MMS22L: variants seen among roughly 807,000 people sequenced by gnomAD.
The protein encoded by MMS22L is MMS22 like, DNA repair protein.
In MMS22L, 74 loss-of-function variants were observed where a neutral mutation model predicts 159.1. The ratio of observed to expected loss-of-function variants is 0.47; its 90% CI spans 0.39 to 0.56. The LOEUF is 0.56. Among genes scored for constraint, MMS22L ranks in the 20% least tolerant of loss-of-function variants. The pLI, the probability that MMS22L is intolerant of heterozygous loss-of-function variation, is 0.00. For missense variants in MMS22L, 1,351 were observed against 1,422.1 expected, an observed-to-expected ratio of 0.95 and a Z score of 0.80; for synonymous variants, 517 against 506.9, an observed-to-expected ratio of 1.02 and a Z score of -0.27.
Position 97,146,898 on chromosome 6 carries a change from A to G in MMS22L, c.3651-11T>C. On this transcript the variant is annotated splice_polypyrimidine_tract_variant and intron_variant, in intron 24 of 24. Coordinates refer to ENST00000683635, the MANE Select transcript of MMS22L (RefSeq NM_001350599.2). The stretch of plus-strand genomic sequence containing the variant: ...TTGCTATAGGCTTCCCTGTTTAAGA[A>G]AAAAGAAAAGAAAGCAAATATATTA... 8 of 1,524,746 alleles carry G rather than the reference A, an allele frequency of 5.2e-6. No homozygotes were observed. Among genetic ancestry groups the G allele is most frequent in the Non-Finnish European group, 7.0e-6 (8 of 1,136,558 alleles). The allele number at this position is 1,524,746 out of a possible 1,614,324, so 94.5% of individuals were successfully genotyped here.
At chr6:97,177,624 A>G (rs1309065220) in intron 18 of MMS22L, among the ~76,000 whole-genome samples, 1 of 152,130 alleles carries the variant, frequency 6.6e-6, no homozygotes, top group Admixed American at 6.5e-5. Flanking sequence ...CAACAACTAA[A>G]TAAGGGTCCA....
intron 14 of MMS22L, among the ~76,000 whole-genome samples, chr6:97,224,347 A>C (rs1809989731): frequency 6.6e-6 from 1 of 152,182 alleles, no homozygotes; most frequent in Non-Finnish European, 1.5e-5. Flanking sequence ...TATTTGCAAG[A>C]AATATTTTTC....
At chr6:97,242,776 G>A (rs977486061) in intron 11 of MMS22L, among the ~76,000 whole-genome samples, 32 of 152,250 alleles carry the variant, frequency 2.1e-4, no homozygotes, top group African/African-American at 7.7e-4. Flanking sequence ...TGGCTTGGTA[G>A]TGGCAAATTC....
intron 14 of MMS22L, among the ~76,000 whole-genome samples, chr6:97,207,154 A>G (rs1807876145): frequency 1.3e-5 from 2 of 152,160 alleles, no homozygotes; most frequent in Admixed American, 1.3e-4. Context: ...CTCTTTCTCA[A>G]AAAGATTTTA....
intron 6 of MMS22L, chr6:97,270,730 T>C (rs1582859483): frequency 6.6e-6 from 1 of 152,266 alleles, no homozygotes; most frequent in South Asian, 2.1e-4. Flanking sequence ...GGGACAGAAA[T>C]AGATAACAAA....
intron 21 of MMS22L, among the ~76,000 whole-genome samples, chr6:97,162,939 A>G (rs1259882545): frequency 6.6e-6 from 1 of 151,956 alleles, no homozygotes; most frequent in Non-Finnish European, 1.5e-5. Flanking sequence ...GCTAAATATA[A>G]ACTAGACATC....
Position 97,272,778 on chromosome 6 carries a change from G to A in MMS22L, c.532C>T (p.Leu178Phe). 1 of 1,613,998 alleles carries A rather than the reference G, an allele frequency of 6.2e-7. No individual in the cohort carries two copies. The highest frequency in any genetic ancestry group is 8.5e-7 in the Non-Finnish European group (1 of 1,179,918). ...TCAGATAGGTGTCCAATATACAAGA[G>A]TAATCCATGAAGCTCATCAATCAAC... ...SVLIDELHGL[L>F]LYIGHLSELP... The change falls in exon 6 of 25, where the codon CTC becomes TTC. Residue 178 changes from leucine to phenylalanine, a missense_variant. By Grantham distance (22) the Leu-to-Phe change is conservative (BLOSUM62 0). Coordinates refer to ENST00000683635, the MANE Select transcript of MMS22L (RefSeq NM_001350599.2).
chr6:97,170,247 G>A (rs1006623356), intron 19 of MMS22L, among the ~76,000 whole-genome samples: 2 of 152,050 alleles, frequency 1.3e-5, no homozygotes, highest in African/African-American at 2.4e-5. Context: ...TTCTGCAACG[G>A]TTGAAACACT....
chr6:97,257,256 ATAT>A (rs1021630831), intron 9 of MMS22L, among the ~76,000 whole-genome samples: 25 of 152,128 alleles, frequency 1.6e-4, no homozygotes, highest in African/African-American at 6.0e-4. Context: ...ATCTTTTGTT[ATAT>A]TATGCATAAC....
chr6:97,265,063 A>G (rs908622858), intron 8 of MMS22L: 8 of 152,220 alleles, frequency 5.3e-5, no homozygotes, highest in African/African-American at 1.7e-4. Flanking sequence ...TTGGTAGGAA[A>G]TCACAAAAGG....
chr6:97,187,157 G>A (rs1805335685), intron 14 of MMS22L, among the ~76,000 whole-genome samples: 2 of 152,298 alleles, frequency 1.3e-5, no homozygotes, highest in South Asian at 2.1e-4. Context: ...CAGGCCTTGT[G>A]TAGTAGACAA....
Position 97,272,839 on chromosome 6 carries a change from A to G in MMS22L, c.471T>C (p.His157=). ...GCTGAGCCTCCAAAGCCTCATAAGG[A>G]TGGACAGGAACATGACTCTCAGCAT... ...VQNAESHVPV[H]PYEALEAQLP... The change falls in exon 6 of 25, where the codon CAT becomes CAC. Residue 157 remains histidine, a synonymous_variant. Coordinates refer to ENST00000683635, the MANE Select transcript of MMS22L (RefSeq NM_001350599.2). 1.2e-6 allele frequency: 2 copies of G among 1,613,994 alleles called. No homozygotes were observed. The highest frequency in any genetic ancestry group is 1.7e-6 in the Non-Finnish European group (2 of 1,179,966).
At chr6:97,229,532 C>G in intron 13 of MMS22L, 129 bp from the exon 14 acceptor site, 1 of 686,244 alleles carries the variant, frequency 1.5e-6, no homozygotes, top group African/African-American at 1.8e-5. Context: ...TATTTTGATG[C>G]TGCCTTGTCA....
At chr6:97,230,587 A>G (rs1216080507) in intron 13 of MMS22L, 1 of 152,196 alleles carries the variant, frequency 6.6e-6, no homozygotes, top group Admixed American at 6.6e-5. Context: ...TGTGTCTAAT[A>G]GACTTGTTAT....
intron 15 of MMS22L, among the ~76,000 whole-genome samples, chr6:97,183,838 C>T (rs537976204): frequency 1.3e-5 from 2 of 152,272 alleles, no homozygotes; most frequent in South Asian, 2.1e-4. Context: ...TTTTCCTTCA[C>T]TTTGGAGCAT....
At chr6:97,192,507 T>C (rs1441573985) in intron 14 of MMS22L, among the ~76,000 whole-genome samples, 2 of 152,146 alleles carry the variant, frequency 1.3e-5, no homozygotes, top group Non-Finnish European at 2.9e-5. Flanking sequence ...TAAAAATACT[T>C]TGTAGACAAG....
At chr6:97,207,042 TA>T (rs1473336201) in intron 14 of MMS22L, among the ~76,000 whole-genome samples, 2 of 152,178 alleles carry the variant, frequency 1.3e-5, no homozygotes, top group African/African-American at 4.8e-5. Context: ...TAATACTTTT[TA>T]ATGTAGTGAA....
intron 12 of MMS22L, among the ~76,000 whole-genome samples, chr6:97,233,447 A>G (rs1811075430): frequency 6.6e-6 from 1 of 152,090 alleles, no homozygotes; most frequent in African/African-American, 2.4e-5. Context: ...GGAGTTCCAC[A>G]ATTATAACTT....
At chr6:97,212,021 C>T (rs1203889615) in intron 14 of MMS22L, among the ~76,000 whole-genome samples, 2 of 152,154 alleles carry the variant, frequency 1.3e-5, no homozygotes, top group African/African-American at 4.8e-5. Flanking sequence ...GTAGGGCAAT[C>T]TCAGAGAAAA....
Sources: gnomAD v4.1 joint callset for allele counts (sites outside exome capture counted in the v4.1 genomes callset) on GRCh38, gnomAD v4.1.1 for gene constraint, MANE v1.5 for transcripts, NCBI Gene and HGNC (gene_info 2026-07-23, HGNC 2026-07-21) for gene names.